Variants in SMIM35 observed in about 807,000 individuals in gnomAD.
The protein encoded by SMIM35 is TMPRSS4 antisense RNA 1 (non-protein coding).
At chr11:118,043,902 T>A (rs1284336851) in intron 1 of SMIM35, among the ~76,000 whole-genome samples, 1 of 151,714 alleles carries the variant, frequency 6.6e-6, no homozygotes, top group Non-Finnish European at 1.5e-5. Context: ...GTATGGGTTT[T>A]TTTTTTAGGC....
intron 1 of SMIM35, among the ~76,000 whole-genome samples, chr11:118,065,311 T>C (rs1944455483): frequency 6.6e-6 from 1 of 152,178 alleles, no homozygotes; most frequent in South Asian, 2.1e-4. Flanking sequence ...CCATGATGGC[T>C]CACAGGAGGA....
At chr11:118,086,020 A>G (rs964288795) in intron 1 of SMIM35, among the ~76,000 whole-genome samples, 1 of 152,202 alleles carries the variant, frequency 6.6e-6, no homozygotes, top group Non-Finnish European at 1.5e-5. Context: ...CATCACCTGG[A>G]AGCAGGGCCC....
chr11:118,066,441 CA>C (rs1944475639), intron 1 of SMIM35, among the ~76,000 whole-genome samples: 1 of 152,128 alleles, frequency 6.6e-6, no homozygotes, highest in African/African-American at 2.4e-5. Flanking sequence ...AAAACAAAAA[CA>C]AACAAGTCAT....
intron 2 of SMIM35, among the ~76,000 whole-genome samples, chr11:118,015,299 T>C (rs1344996148): frequency 1.3e-5 from 2 of 151,984 alleles, no homozygotes; most frequent in African/African-American, 4.8e-5. Flanking sequence ...AGCTGATACC[T>C]CCACAAGCTT....
chr11:118,061,753 C>T (rs766233303), intron 1 of SMIM35, among the ~76,000 whole-genome samples: 38 of 152,114 alleles, frequency 2.5e-4, no homozygotes, highest in Non-Finnish European at 3.2e-4. Context: ...CCCAGGACCG[C>T]TCTTTGGTGA....
At chr11:118,062,079 C>T (rs1944401960) in intron 1 of SMIM35, among the ~76,000 whole-genome samples, 1 of 152,334 alleles carries the variant, frequency 6.6e-6, no homozygotes, top group South Asian at 2.1e-4. Flanking sequence ...CTTGTAATCC[C>T]ATCCCTTTAG....
intron 1 of SMIM35, among the ~76,000 whole-genome samples, chr11:118,024,085 A>G (rs1448434369): frequency 6.6e-6 from 1 of 152,132 alleles, no homozygotes; most frequent in Non-Finnish European, 1.5e-5. Context: ...GCCACCTAAT[A>G]TATGTGTAAT....
At chr11:118,073,799 A>G (rs183955393) in intron 1 of SMIM35, among the ~76,000 whole-genome samples, 77 of 152,382 alleles carry the variant, frequency 5.1e-4, no homozygotes, top group African/African-American at 1.8e-3. Flanking sequence ...AGCCCTCAGC[A>G]GCGCCGCCAT....
intron 1 of SMIM35, among the ~76,000 whole-genome samples, chr11:118,066,958 G>C (rs562440141): frequency 6.6e-6 from 1 of 152,084 alleles, no homozygotes; most frequent in South Asian, 2.1e-4. Flanking sequence ...CCGAATAGGG[G>C]AGCAAGAGCC....
At position 118,054,680 on chromosome 11, in the gene SMIM35, G is replaced by A. The variant is rs187548544; in HGVS notation, c.7+32071C>T. Among the ~76,000 whole-genome samples the A allele has an allele frequency of 2.0e-3, 301 of 152,018 alleles. 1 individual carries two copies. The highest frequency in any genetic ancestry group is 3.4e-3 in the Non-Finnish European group (231 of 67,978). ...ATGTTATCACTGCCTATTTTATTGTGTAATGTACACTATAAAGTGTCCTGT... is the reference window on the plus strand; with the variant it reads ...ATGTTATCACTGCCTATTTTATTGTATAATGTACACTATAAAGTGTCCTGT... On this transcript the variant is annotated intron_variant, in intron 1 of 4. Transcript: ENST00000689828.
intron 1 of SMIM35, among the ~76,000 whole-genome samples, chr11:118,075,925 G>T (rs528123633): frequency 1.6e-5 from 1 of 64,240 alleles, no homozygotes; most frequent in African/African-American, 5.2e-5. Flanking sequence ...CACATCCCCT[G>T]GCCAGGGGGC....
At chr11:118,064,213 T>C (rs1180336430) in intron 1 of SMIM35, among the ~76,000 whole-genome samples, 3 of 152,256 alleles carry the variant, frequency 2.0e-5, no homozygotes, top group Admixed American at 6.5e-5. Flanking sequence ...TTGATGATTG[T>C]GGCGTGAGAA....
At chr11:118,074,287 G>A (rs1035812137) in intron 1 of SMIM35, among the ~76,000 whole-genome samples, 2 of 151,904 alleles carry the variant, frequency 1.3e-5, no homozygotes, top group South Asian at 4.2e-4. Flanking sequence ...GGAAAGGGAA[G>A]AAGGAAGAGA....
At chr11:118,054,048 T>C (rs1944267453) in intron 1 of SMIM35, among the ~76,000 whole-genome samples, 1 of 152,238 alleles carries the variant, frequency 6.6e-6, no homozygotes, top group South Asian at 2.1e-4. Context: ...TACAATTCCC[T>C]ATGCTAGGTA....
intron 1 of SMIM35, among the ~76,000 whole-genome samples, chr11:118,048,544 AGGAAGGAAGGAAGGAAGGAAG>A (rs1194744355): frequency 6.1e-5 from 1 of 16,422 alleles, no homozygotes; most frequent in African/African-American, 1.3e-4. Context: ...GAAAGAAGGA[AGGAAGGAAGGAAGGAAGGAAG>A]GAAGGAAGGA....
intron 1 of SMIM35, among the ~76,000 whole-genome samples, chr11:118,056,887 G>A (rs1299592489): frequency 6.6e-6 from 1 of 152,072 alleles, no homozygotes; most frequent in African/African-American, 2.4e-5. Flanking sequence ...GAAATGAAGG[G>A]AGCAGAGGCC....
chr11:118,076,739 C>T (rs651013), intron 1 of SMIM35, among the ~76,000 whole-genome samples: 110,899 of 151,956 alleles, frequency 0.73, 40,796 homozygotes, highest in Non-Finnish European at 0.76. Flanking sequence ...AGCTGCAAAC[C>T]CTGTCGCCCA....
At chr11:118,067,780 C>T (rs1236617784) in intron 1 of SMIM35, among the ~76,000 whole-genome samples, 9 of 145,682 alleles carry the variant, frequency 6.2e-5, no homozygotes, top group Non-Finnish European at 1.2e-4. Flanking sequence ...TGCAGTGAGC[C>T]GAGATCACGC....
At chr11:118,084,671 T>A (rs575743580) in intron 1 of SMIM35, among the ~76,000 whole-genome samples, 2 of 152,324 alleles carry the variant, frequency 1.3e-5, no homozygotes, top group East Asian at 1.9e-4. Context: ...GTAGGGTAAT[T>A]GGGGCAGAGA....
Sources: gnomAD v4.1 joint callset for allele counts (sites outside exome capture counted in the v4.1 genomes callset) on GRCh38, gnomAD v4.1.1 for gene constraint, MANE v1.5 for transcripts, NCBI Gene and HGNC (gene_info 2026-07-23, HGNC 2026-07-21) for gene names.